Variants in SLC5A1 observed in about 807,000 individuals in gnomAD.
The protein encoded by SLC5A1 is sodium/glucose cotransporter 1.
SLC5A1 carries 42 observed loss-of-function variants against 73.5 expected under a neutral mutation model. The ratio of observed to expected loss-of-function variants is 0.57; its 90% confidence interval spans 0.45 to 0.74. The LOEUF is 0.74. Among genes scored for constraint, SLC5A1 ranks in the 30% least tolerant of loss-of-function variants. SLC5A1 has a pLI of 0.00. For synonymous variants in SLC5A1, 300 were observed against 317.4 expected, an observed-to-expected ratio of 0.95 and a Z score of 0.58; for missense variants, 634 against 855.4, an observed-to-expected ratio of 0.74 and a Z score of 3.23.
chr22:32,068,486 C>G lies in SLC5A1; in HGVS notation c.373-10C>G. The G allele has an allele frequency of 6.3e-7, 1 of 1,597,178 alleles. No homozygotes were observed. Among genetic ancestry groups the G allele is most frequent in the Non-Finnish European group, 8.6e-7 (1 of 1,164,678 alleles). On this transcript the variant is annotated splice_polypyrimidine_tract_variant and intron_variant, in intron 4 of 14. Transcript: ENST00000266088. ...GTGGCTGGCAGTGACCTCCCTCGCA[C>G]CCCATGCAGGTGGTGACAATGCCAG... is the stretch of plus-strand genomic sequence containing the variant.
rs556949406 is a variant in SLC5A1, at chr22:32,094,325, G to A, written c.1280+2563G>A. ...TCTTTTTTTGTTATGTCCTTTCCTG[G>A]TTTTGGTATTAGGGTGATACTGGCT... On this transcript the variant is annotated intron_variant, in intron 11 of 14. Coordinates refer to ENST00000266088, the MANE Select transcript of SLC5A1 (RefSeq NM_000343.4). Among the ~76,000 whole-genome samples the A allele has an allele frequency of 3.8e-4, 58 of 152,210 alleles. 2 individuals carry two copies. The South Asian group carries it at 0.011, about 28-fold the overall frequency.
At chr22:32,060,833 G>T (rs1031403084) in intron 2 of SLC5A1, among the ~76,000 whole-genome samples, 3 of 152,062 alleles carry the variant, frequency 2.0e-5, no homozygotes, top group African/African-American at 4.8e-5. Flanking sequence ...ACCTCCCAAA[G>T]TATTGGTATT....
rs143312398 is a variant in SLC5A1, at chr22:32,110,464, A to G, written c.*251A>G. On this transcript the variant is annotated 3_prime_UTR_variant, in exon 15 of 15. Transcript: ENST00000266088. ...AAGGGAAGTCCACTCAGTCACATCC[A>G]GAAAAAGGCAGACTAAGAATCAGAA... is the stretch of plus-strand genomic sequence containing the variant. The G allele has an allele frequency of 8.2e-4, 443 of 538,668 alleles. 2 individuals carry two copies. The highest frequency in any genetic ancestry group is 6.7e-3 in the African/African-American group (354 of 52,724). 33.4% of individuals were successfully genotyped at this position (538,668 alleles called of 1,614,324 possible). A position where few individuals can be genotyped will look rare whatever the true frequency, so the allele number is the denominator to read the frequency against.
intron 2 of SLC5A1, among the ~76,000 whole-genome samples, chr22:32,062,672 C>G (rs1354439480): frequency 6.6e-6 from 1 of 152,138 alleles, no homozygotes; most frequent in Non-Finnish European, 1.5e-5. Flanking sequence ...ATTGACGGCA[C>G]TGGGTCACTC....
chr22:32,106,353 A>G (rs746056270), intron 14 of SLC5A1, among the ~76,000 whole-genome samples: 5 of 152,198 alleles, frequency 3.3e-5, no homozygotes, highest in Non-Finnish European at 7.3e-5. Context: ...TTAGCCATTT[A>G]TATATCATAT....
At position 32,102,101 on chromosome 22, in the gene SLC5A1, G is replaced by A; in HGVS notation, c.1529G>A (p.Ser510Asn). The A allele has an allele frequency of 6.2e-7, 1 of 1,614,062 alleles. No homozygotes were observed. Among genetic ancestry groups the A allele is most frequent in the Non-Finnish European group, 8.5e-7 (1 of 1,179,994 alleles). ...ACTGAGTTTGCTTATGGAACCGGGA[G>A]CTGCATGGAGCCCAGCAACTGTCCC... ...MITEFAYGTG[S>N]CMEPSNCPTI... The change falls in exon 13 of 15, where the codon AGC becomes AAC. Residue 510 changes from serine to asparagine, a missense_variant. Ser to Asn is a conservative substitution (Grantham distance 46). Around this residue, in one of 3 missense-constraint regions of SLC5A1, gnomAD observed 422 missense variants for 626.1 expected, o/e 0.67. Coordinates refer to ENST00000266088, the MANE Select transcript of SLC5A1 (RefSeq NM_000343.4).
At chr22:32,071,939 A>C (rs1011323292) in intron 5 of SLC5A1, among the ~76,000 whole-genome samples, 1 of 152,228 alleles carries the variant, frequency 6.6e-6, no homozygotes, top group African/African-American at 2.4e-5. Context: ...GCAAAGATAG[A>C]ATAGGATAAC....
chr22:32,058,181 A>C (rs1489997313), intron 2 of SLC5A1, among the ~76,000 whole-genome samples: 1 of 152,134 alleles, frequency 6.6e-6, no homozygotes, highest in Non-Finnish European at 1.5e-5. Context: ...GTATCTCCTC[A>C]TGTCATAACG....
rs1479286137 is a variant in SLC5A1 at position 32,043,371 on chromosome 22, C to T, written c.90C>T (p.Ser30=). 6.2e-7 allele frequency: 1 copy of T among 1,614,046 alleles called. No homozygotes were observed. The highest frequency in any genetic ancestry group is 1.3e-5 in the African/African-American group (1 of 74,948). ...HELIRNAADI[S]IIVIYFVVVM... Reference sequence around the variant, plus strand: ...TCATTCGCAATGCAGCCGATATCTCCATCATCGTTATCTACTTCGTGGTAG... The same window carrying T: ...TCATTCGCAATGCAGCCGATATCTCTATCATCGTTATCTACTTCGTGGTAG... Residue 30 remains serine (S), a synonymous_variant, in exon 1 of 15, where the codon TCC becomes TCT. Transcript: ENST00000266088. This position sits in a 1 kb window ranked among gnomAD's most constrained non-coding sequence, Gnocchi z 6.5.
chr22:32,110,096 A>G lies in SLC5A1; in HGVS notation c.1878A>G (p.Lys626=). The part of the protein sequence containing the change: ...GAPKMTEEEE[K]AMKMKMTDTS... Reference sequence around the variant, plus strand: ...CCAAGATGACTGAGGAAGAGGAGAAAGCCATGAAGATGAAGATGACGGACA... The same window carrying G: ...CCAAGATGACTGAGGAAGAGGAGAAGGCCATGAAGATGAAGATGACGGACA... The change falls in exon 15 of 15, where the codon AAA becomes AAG. Residue 626 remains lysine (K), a synonymous_variant. Coordinates refer to ENST00000266088, the MANE Select transcript of SLC5A1 (RefSeq NM_000343.4). The G allele has an allele frequency of 2.5e-6, 4 of 1,614,166 alleles. No individual in the cohort carries two copies. The highest frequency in any genetic ancestry group is 3.4e-6 in the Non-Finnish European group (4 of 1,179,998).
intron 5 of SLC5A1, among the ~76,000 whole-genome samples, chr22:32,075,999 T>C (rs567440226): frequency 1.3e-5 from 2 of 152,320 alleles, no homozygotes; most frequent in East Asian, 3.9e-4. Flanking sequence ...CAAACCAAGA[T>C]TCACCAATTG....
At chr22:32,080,825 C>T (rs1327595212) in intron 5 of SLC5A1, among the ~76,000 whole-genome samples, 3 of 152,082 alleles carry the variant, frequency 2.0e-5, no homozygotes, top group African/African-American at 7.2e-5. Flanking sequence ...GAAATCCTGT[C>T]TCTACTAAAA....
intron 5 of SLC5A1, among the ~76,000 whole-genome samples, chr22:32,069,903 G>A (rs994553649): frequency 7.9e-5 from 12 of 152,182 alleles, no homozygotes; most frequent in Non-Finnish European, 1.5e-4. Context: ...CCTGAATCAG[G>A]AGTAGAATCC....
At chr22:32,085,418 G>A (rs1348168686) in intron 9 of SLC5A1, among the ~76,000 whole-genome samples, 1 of 151,944 alleles carries the variant, frequency 6.6e-6, no homozygotes, top group Non-Finnish European at 1.5e-5. Context: ...AAGCCACCAC[G>A]CCTGGCCCTC....
At chr22:32,058,439 T>C (rs2093955298) in intron 2 of SLC5A1, among the ~76,000 whole-genome samples, 1 of 152,212 alleles carries the variant, frequency 6.6e-6, no homozygotes. Flanking sequence ...CTTACGTGGT[T>C]TCCAACATTC....
chr22:32,091,338 CACA>C (rs1569313423), intron 10 of SLC5A1, among the ~76,000 whole-genome samples: 77 of 146,360 alleles, frequency 5.3e-4, no homozygotes, highest in African/African-American at 1.5e-3. Flanking sequence ...CACACACACA[CACA>C]CCCCACCACC....
chr22:32,044,391 T>G (rs964132535), intron 1 of SLC5A1, among the ~76,000 whole-genome samples: 3 of 152,012 alleles, frequency 2.0e-5, no homozygotes, highest in Admixed American at 2.0e-4. Flanking sequence ...GAGGTGGAGG[T>G]GATAAGCCCA....
intron 5 of SLC5A1, among the ~76,000 whole-genome samples, chr22:32,080,178 C>T (rs949200225): frequency 2.0e-5 from 3 of 152,176 alleles, no homozygotes; most frequent in Non-Finnish European, 4.4e-5. Flanking sequence ...AACTCACCAT[C>T]TCTCCTCCCA....
At position 32,049,603 on chromosome 22, in the gene SLC5A1, C is replaced by T. The variant is rs537301777; in HGVS notation, c.136-340C>T. The stretch of plus-strand genomic sequence containing the variant: ...AGCATTCATTAGGAACCTCAATATG[C>T]TTGTAAGAAAGGCATAAAAAGTTCC... On this transcript the variant is annotated intron_variant, in intron 1 of 14. Coordinates refer to ENST00000266088, the MANE Select transcript of SLC5A1 (RefSeq NM_000343.4). 2.0e-5 allele frequency among the ~76,000 whole-genome samples: 3 copies of T among 151,398 alleles called. No individual in the cohort carries two copies. The South Asian group carries it at 6.3e-4, about 32-fold the overall frequency.
Sources: allele counts gnomAD v4.1 joint callset (sites outside exome capture counted in the v4.1 genomes callset), GRCh38; gene constraint gnomAD v4.1.1; regional missense constraint gnomAD v4.1.1; non-coding constraint Gnocchi (gnomAD v3.1); transcripts MANE v1.5; gene names NCBI Gene and HGNC (gene_info 2026-07-23, HGNC 2026-07-21).